Variants in MEIS3 observed in about 807,000 individuals in gnomAD.
MEIS3 encodes the protein Meis homeobox 3, also known as homeobox protein Meis3.
Under a neutral mutation model 51.4 loss-of-function variants are expected in MEIS3, and 38 were observed. The observed-to-expected ratio is 0.74, with a 90% CI of 0.57 to 0.97. The LOEUF is 0.97. Ranked by LOEUF, MEIS3 falls within the 50% of genes least tolerant of loss-of-function variation. MEIS3 has a pLI of 0.00. For synonymous variants in MEIS3, 198 were observed against 201.8 expected (o/e 0.98, Z 0.16); for missense variants, 456 against 502.6 (o/e 0.91, Z 0.89).
chr19:47,407,980 G>C (rs1970934135), intron 8 of MEIS3, among the ~76,000 whole-genome samples: 1 of 150,770 alleles, frequency 6.6e-6, no homozygotes, highest in African/African-American at 2.4e-5. Context: ...CTAATTTTTT[G>C]TATTTTAGTA....
chr19:47,410,789 G>A (rs1425627703), intron 6 of MEIS3, among the ~76,000 whole-genome samples: 1 of 152,068 alleles, frequency 6.6e-6, no homozygotes, highest in African/African-American at 2.4e-5. Flanking sequence ...GGAAAATGAA[G>A]GACAATAATA....
At position 47,416,570 on chromosome 19, in the gene MEIS3, C is replaced by A. The variant is rs574974692; in HGVS notation, c.396+82G>T. The stretch of plus-strand genomic sequence containing the variant: ...GGACCAGGTGGCCTTCTCTCTGCAC[C>A]CCCCCCACCAACCCCAGGGATGGGG... On this transcript the variant is annotated intron_variant, in intron 4 of 12. Transcript: ENST00000558555. The A allele has an allele frequency of 2.0e-4, 237 of 1,198,520 alleles. 1 individual carries two copies. Among genetic ancestry groups the A allele is most frequent in the South Asian group, 8.1e-4 (51 of 62,956 alleles). 74.2% of individuals were successfully genotyped at this position (1,198,520 alleles called of 1,614,324 possible).
intron 8 of MEIS3, 32 bp downstream of exon 8, chr19:47,409,067 C>T: frequency 6.2e-7 from 1 of 1,604,750 alleles, no homozygotes; most frequent in Non-Finnish European, 8.5e-7. Context: ...TCTCTCCATT[C>T]CCACCCTGCA....
chr19:47,412,553 A>G (rs984162043), intron 6 of MEIS3, among the ~76,000 whole-genome samples: 1 of 151,310 alleles, frequency 6.6e-6, no homozygotes, highest in Admixed American at 6.6e-5. Context: ...ACACCCAGCT[A>G]ATTTGTTGTT....
chr19:47,407,551 G>A, intron 8 of MEIS3, 123 bp from the exon 9 acceptor site: 4 of 1,567,348 alleles, frequency 2.6e-6, no homozygotes, highest in Non-Finnish European at 2.6e-6. Flanking sequence ...GGGAGAACCG[G>A]CGCTTCTGAG....
At chr19:47,420,537 C>CAGACGCGGGTGGGAGGAGAGAGAGAGAG (rs1568433716), upstream of MEIS3, among the ~76,000 whole-genome samples, 24 of 120,822 alleles carry the variant, frequency 2.0e-4, no homozygotes, top group African/African-American at 8.3e-4. Context: ...GAGAGAGAGA[C>CAGACGCGGGTGGGAGGAGAGAGAGAGAG]AGAGACAGAC....
chr19:47,420,773 G>C (rs1475277417), upstream of MEIS3, among the ~76,000 whole-genome samples: 1 of 151,622 alleles, frequency 6.6e-6, no homozygotes, highest in Non-Finnish European at 1.5e-5. Context: ...GATTGGGGGA[G>C]GATGGAGGAT....
At chr19:47,409,338 C>A in intron 7 of MEIS3, 91 bp from the exon 8 acceptor site, 2 of 1,575,402 alleles carry the variant, frequency 1.3e-6, no homozygotes, top group African/African-American at 1.3e-5. Flanking sequence ...ACACTCCACA[C>A]CCCAGCCATC....
chr19:47,403,901 G>A (rs879570949), intron 12 of MEIS3, among the ~76,000 whole-genome samples: 1 of 151,990 alleles, frequency 6.6e-6, no homozygotes, highest in Non-Finnish European at 1.5e-5. Context: ...GAAATGGAGA[G>A]AGAGAAAGAG....
chr19:47,407,488 G>T lies in MEIS3; in HGVS notation c.859-60C>A, dbSNP rs769067409. 3 of 1,612,846 alleles carry T rather than the reference G, an allele frequency of 1.9e-6. No individual in the cohort carries two copies. The Admixed American group carries it at 5.0e-5, about 27-fold the overall frequency. On this transcript the variant is annotated intron_variant, in intron 8 of 12. Coordinates refer to ENST00000558555, the MANE Select transcript of MEIS3 (RefSeq NM_001301059.2). ...GGCCGGCCGCAGTCTGAACCCCAAG[G>T]TCTGGCCCACCGGGGTCCGGGGGAT... is the stretch of plus-strand genomic sequence containing the variant.
rs533142572 is a variant in MEIS3, at chr19:47,411,371, T to C, written c.598-1824A>G. Among the ~76,000 whole-genome samples the C allele has an allele frequency of 5.2e-3, 744 of 141,876 alleles. 6 individuals carry two copies. Among genetic ancestry groups the C allele is most frequent in the Middle Eastern group, 0.016 (4 of 252 alleles). 93.1% of individuals were successfully genotyped at this position (141,876 alleles called of 152,430 possible). On this transcript the variant is annotated intron_variant, in intron 6 of 12. Coordinates refer to ENST00000558555, the MANE Select transcript of MEIS3 (RefSeq NM_001301059.2). ...CAACATGGATGAGTATTTAACTAAG[T>C]GGAATAAATAAAGGCTATAAATAGC...
intron 11 of MEIS3, 24 bp downstream of exon 11, chr19:47,406,864 C>A: frequency 6.4e-7 from 1 of 1,550,594 alleles, no homozygotes; most frequent in Non-Finnish European, 8.7e-7. Context: ...AGGGGCGGGG[C>A]CTAGCTAAGG....
At chr19:47,420,577 C>G (rs572100547), upstream of MEIS3, among the ~76,000 whole-genome samples, 6 of 93,978 alleles carry the variant, frequency 6.4e-5, no homozygotes, top group African/African-American at 1.7e-4. Flanking sequence ...GAGAGAGGTG[C>G]AGACAGAGTG....
At chr19:47,417,393 GTCAGCACCCCGAGACTCGGC>G (rs1323762579) in intron 1 of MEIS3, 43 bp from the exon 2 acceptor site, 7 of 1,609,952 alleles carry the variant, frequency 4.3e-6, no homozygotes, top group Non-Finnish European at 5.9e-6. Context: ...CCAGGGAGGG[GTCAGCACCCCGAGACTCGGC>G]TGAGGAGCTT....
intron 6 of MEIS3, among the ~76,000 whole-genome samples, chr19:47,413,427 T>C (rs967978805): frequency 1.3e-5 from 2 of 149,640 alleles, no homozygotes; most frequent in African/African-American, 2.5e-5. Context: ...TCCGGGACTG[T>C]GTCTGGGTGG....
chr19:47,417,510 C>T (rs1443677868), intron 1 of MEIS3, 160 bp from the exon 2 acceptor site: 2 of 871,476 alleles, frequency 2.3e-6, no homozygotes, highest in Admixed American at 4.0e-5. Context: ...AGCTTGAAGC[C>T]CTCCAGGTCC....
chr19:47,407,484 C>T, intron 8 of MEIS3, 56 bp from the exon 9 acceptor site: 1 of 1,613,164 alleles, frequency 6.2e-7, no homozygotes. Flanking sequence ...GTCTGAACCC[C>T]AAGGTCTGGC....
Position 47,406,876 on chromosome 19 carries a change from G to A in MEIS3, c.1078+12C>T. ...CGCAGGGGCGGGGCCTAGCTAAGGG[G>A]GCGAGGCTTACCCGGAGGCCGGACG... On this transcript the variant is annotated intron_variant, in intron 11 of 12. Coordinates refer to ENST00000558555, the MANE Select transcript of MEIS3 (RefSeq NM_001301059.2). 6.4e-7 allele frequency: 1 copy of A among 1,562,512 alleles called. No individual in the cohort carries two copies. Among genetic ancestry groups the A allele is most frequent in the Non-Finnish European group, 8.6e-7 (1 of 1,156,742 alleles).
At chr19:47,407,526 C>T in intron 8 of MEIS3, 98 bp from the exon 9 acceptor site, 1 of 1,602,374 alleles carries the variant, frequency 6.2e-7, no homozygotes, top group Non-Finnish European at 8.5e-7. Context: ...GGAGCCCAGG[C>T]CCAGGCAGAC....
Sources: allele counts gnomAD v4.1 joint callset (sites outside exome capture counted in the v4.1 genomes callset), GRCh38; gene constraint gnomAD v4.1.1; transcripts MANE v1.5; gene names NCBI Gene and HGNC (gene_info 2026-07-23, HGNC 2026-07-21).